STPG2: variants seen among roughly 807,000 people sequenced by gnomAD.
STPG2 encodes the protein sperm-tail PG-rich repeat-containing protein 2.
STPG2 carries 56 observed loss-of-function variants against 54.2 expected under a neutral mutation model. The observed-to-expected ratio is 1.03, with a 90% confidence interval of 0.83 to 1.29. The LOEUF is 1.29. Among genes scored for constraint, STPG2 ranks in the 50% most tolerant of loss-of-function variants. The pLI is 0.00. For synonymous variants in STPG2, 200 were observed against 181.8 expected (o/e 1.10, Z -0.81); for missense variants, 596 against 544.9 (o/e 1.09, Z -0.93).
At chr4:97,908,402 T>C (rs1448384983) in intron 8 of STPG2, among the ~76,000 whole-genome samples, 1 of 149,298 alleles carries the variant, frequency 6.7e-6, no homozygotes, top group African/African-American at 2.5e-5. Flanking sequence ...TAGGAACACT[T>C]TTACGCTGTT....
intron 8 of STPG2, among the ~76,000 whole-genome samples, chr4:97,874,870 ACT>A (rs1730117075): frequency 6.6e-6 from 1 of 151,274 alleles, no homozygotes; most frequent in Non-Finnish European, 1.5e-5. Context: ...AAAAGTTATG[ACT>A]CTCTCCGCCA....
At chr4:97,720,617 A>G (rs186689034) in intron 9 of STPG2, among the ~76,000 whole-genome samples, 84 of 152,158 alleles carry the variant, frequency 5.5e-4, no homozygotes, top group African/African-American at 2.0e-3. Flanking sequence ...ATAAATAAGC[A>G]TAGTTGATAA....
chr4:97,972,691 T>G (rs1164558281), intron 6 of STPG2, among the ~76,000 whole-genome samples: 1 of 152,156 alleles, frequency 6.6e-6, no homozygotes, highest in Non-Finnish European at 1.5e-5. Context: ...CACAATTCCA[T>G]GGGAGGAACT....
intron 6 of STPG2, among the ~76,000 whole-genome samples, chr4:97,975,334 A>T (rs1734463595): frequency 6.6e-6 from 1 of 152,208 alleles, no homozygotes; most frequent in African/African-American, 2.4e-5. Flanking sequence ...AACACTAAAA[A>T]GTTTTCAAAT....
intron 5 of STPG2, among the ~76,000 whole-genome samples, chr4:98,071,965 G>GTAAACT (rs1738017033): frequency 6.6e-6 from 1 of 152,164 alleles, no homozygotes; most frequent in South Asian, 2.1e-4. Flanking sequence ...TGGTGGGAGT[G>GTAAACT]TAAACTAGTT....
At chr4:97,534,087 A>G (rs1731476020) in intron 4 of STPG2, among the ~76,000 whole-genome samples, 2 of 152,062 alleles carry the variant, frequency 1.3e-5, no homozygotes, top group African/African-American at 2.4e-5. Flanking sequence ...TACTTTTTAA[A>G]ATTTTAGGCA....
intron 9 of STPG2, among the ~76,000 whole-genome samples, chr4:97,803,264 A>T (rs1015873198): frequency 6.6e-6 from 1 of 152,184 alleles, no homozygotes; most frequent in African/African-American, 2.4e-5. Context: ...TTCTCTTTAA[A>T]ATATGTTCAC....
At chr4:97,639,306 G>A (rs1721679031) in intron 10 of STPG2, among the ~76,000 whole-genome samples, 2 of 150,736 alleles carry the variant, frequency 1.3e-5, no homozygotes, top group African/African-American at 4.9e-5. Context: ...AGATCACATG[G>A]ACACAGGAAG....
At chr4:97,863,514 G>C (rs1729642968) in intron 8 of STPG2, among the ~76,000 whole-genome samples, 1 of 152,128 alleles carries the variant, frequency 6.6e-6, no homozygotes, top group Non-Finnish European at 1.5e-5. Context: ...AATTCTACCA[G>C]AGGTACAAGG....
intron 8 of STPG2, among the ~76,000 whole-genome samples, chr4:97,941,194 T>A (rs1732968732): frequency 1.3e-5 from 2 of 152,020 alleles, no homozygotes; most frequent in South Asian, 4.1e-4. Flanking sequence ...ATATTTCTCA[T>A]CCCTTTGTGG....
At chr4:97,928,819 TTC>T (rs1732431696) in intron 8 of STPG2, among the ~76,000 whole-genome samples, 1 of 152,182 alleles carries the variant, frequency 6.6e-6, no homozygotes, top group Non-Finnish European at 1.5e-5. Context: ...AAAGTTTATA[TTC>T]TGTCTTATAA....
intron 8 of STPG2, among the ~76,000 whole-genome samples, chr4:97,905,752 T>C (rs1693116267): frequency 1.3e-5 from 2 of 151,648 alleles, no homozygotes; most frequent in Admixed American, 6.6e-5. Context: ...AATAAAAGGA[T>C]GGAGGAAGAT....
At chr4:97,767,827 G>T (rs1440975211) in intron 9 of STPG2, among the ~76,000 whole-genome samples, 1 of 152,104 alleles carries the variant, frequency 6.6e-6, no homozygotes, top group South Asian at 2.1e-4. Context: ...CTTAACAGAG[G>T]TTAAGAGTCA....
chr4:98,143,181 G>A lies in STPG2; in HGVS notation c.-31C>T. On this transcript the variant is annotated 5_prime_UTR_variant, in exon 1 of 11. Coordinates refer to ENST00000295268, the MANE Select transcript of STPG2 (RefSeq NM_174952.3). ...TCGGGGTGGTGGGGGCGCTGGGGAA[G>A]GGCAGGTGCCGAAAACGATAAAAAC... 1 of 1,565,720 alleles carries A rather than the reference G, an allele frequency of 6.4e-7. No homozygotes were observed. Among genetic ancestry groups the A allele is most frequent in the East Asian group, 2.3e-5 (1 of 44,220 alleles).
chr4:98,059,251 C>T (rs1357746316), intron 5 of STPG2, among the ~76,000 whole-genome samples: 3 of 151,844 alleles, frequency 2.0e-5, no homozygotes, highest in African/African-American at 7.3e-5. Flanking sequence ...CTAGAAGAGA[C>T]GGATAAATTT....
chr4:97,732,106 T>C (rs185621289), intron 9 of STPG2, among the ~76,000 whole-genome samples: 8 of 152,240 alleles, frequency 5.3e-5, no homozygotes, highest in Admixed American at 3.9e-4. Context: ...CTGCAGTTAG[T>C]AGGGGCCAGA....
chr4:97,892,926 G>C (rs1730827140), intron 8 of STPG2: 1 of 152,090 alleles, frequency 6.6e-6, no homozygotes, highest in East Asian at 1.9e-4. Context: ...CTTTTGTACA[G>C]CAAAATCAAG....
intron 9 of STPG2, among the ~76,000 whole-genome samples, chr4:97,720,225 C>T (rs1332441646): frequency 6.6e-6 from 1 of 151,816 alleles, no homozygotes; most frequent in East Asian, 1.9e-4. Flanking sequence ...CTAAATCATG[C>T]TCACCTTTAG....
chr4:98,069,845 T>C (rs540726170), intron 5 of STPG2, among the ~76,000 whole-genome samples: 1 of 152,158 alleles, frequency 6.6e-6, no homozygotes, highest in African/African-American at 2.4e-5. Context: ...CTACCTCCAC[T>C]TCCAAGGGTA....
Sources: allele counts gnomAD v4.1 joint callset (sites outside exome capture counted in the v4.1 genomes callset), GRCh38; gene constraint gnomAD v4.1.1; transcripts MANE v1.5; gene names NCBI Gene and HGNC (gene_info 2026-07-23, HGNC 2026-07-21).